The following CTTNBP2 variants were observed in gnomAD, a reference collection of about 807,000 sequenced individuals.
CTTNBP2 encodes the protein cortactin-binding protein 2.
CTTNBP2 carries 108 observed loss-of-function variants against 156.9 expected under a neutral mutation model. The ratio of observed to expected loss-of-function variants is 0.69; its 90% CI spans 0.59 to 0.81. The LOEUF (loss-of-function observed/expected upper bound fraction) is 0.81. Among genes scored for constraint, CTTNBP2 ranks in the 30% least tolerant of loss-of-function variants. The pLI, the probability that CTTNBP2 is intolerant of heterozygous loss-of-function variation, is 0.00. For synonymous variants in CTTNBP2, 767 were observed against 751.8 expected, an observed-to-expected ratio of 1.02 and a Z score of -0.33; for missense variants, 1,924 against 2,035.4, an observed-to-expected ratio of 0.95 and a Z score of 1.05.
At chr7:117,844,890 T>C (rs559551057) in intron 2 of CTTNBP2, among the ~76,000 whole-genome samples, 20 of 152,206 alleles carry the variant, frequency 1.3e-4, no homozygotes, top group African/African-American at 4.8e-4. Flanking sequence ...TGAAAGCAGC[T>C]GAGAGTGAAG....
At chr7:117,732,159 T>G (rs1038494896) in intron 16 of CTTNBP2, among the ~76,000 whole-genome samples, 4 of 152,122 alleles carry the variant, frequency 2.6e-5, no homozygotes, top group Admixed American at 6.5e-5. Flanking sequence ...GTCACCAAAA[T>G]GTACAGAGCT....
chr7:117,779,027 G>A (rs1018854785), intron 7 of CTTNBP2, among the ~76,000 whole-genome samples: 1 of 152,128 alleles, frequency 6.6e-6, no homozygotes, highest in Non-Finnish European at 1.5e-5. Context: ...TTTATAATGT[G>A]GCTTTTTCTC....
intron 2 of CTTNBP2, among the ~76,000 whole-genome samples, chr7:117,821,504 C>T (rs769753342): frequency 2.0e-5 from 3 of 151,144 alleles, no homozygotes; most frequent in Non-Finnish European, 4.4e-5. Context: ...TGTTAATACA[C>T]TGAATTTTGT....
chr7:117,765,404 G>C (rs531447660), intron 9 of CTTNBP2, among the ~76,000 whole-genome samples: 1 of 152,076 alleles, frequency 6.6e-6, no homozygotes, highest in African/African-American at 2.4e-5. Context: ...TCAGGTATAC[G>C]AATAATTACT....
chr7:117,792,824 T>G lies in CTTNBP2; in HGVS notation c.415-43A>C. On this transcript the variant is annotated intron_variant, in intron 3 of 22. Transcript: ENST00000160373. The surrounding 1 kb of genome is among the most constrained non-coding windows in gnomAD (Gnocchi z 4.2). The stretch of plus-strand genomic sequence containing the variant: ...GAAAACCCTGATTAATATACAGAAT[T>G]TTCTTTTCACCAAGGAAATGCTTTT... 3 of 1,342,770 alleles carry G rather than the reference T, an allele frequency of 2.2e-6. No homozygotes were observed. Among genetic ancestry groups the G allele is most frequent in the Non-Finnish European group, 3.0e-6 (3 of 1,016,050 alleles). The allele number at this position is 1,342,770 out of a possible 1,614,324, so 83.2% of individuals were successfully genotyped here.
intron 12 of CTTNBP2, among the ~76,000 whole-genome samples, chr7:117,754,259 A>G (rs1182765928): frequency 6.6e-6 from 1 of 152,162 alleles, no homozygotes; most frequent in Non-Finnish European, 1.5e-5. Context: ...CTTTCCTGAT[A>G]ACTCCATCTA....
chr7:117,837,740 A>C (rs543690170), intron 2 of CTTNBP2, among the ~76,000 whole-genome samples: 1 of 152,278 alleles, frequency 6.6e-6, no homozygotes, highest in African/African-American at 2.4e-5. Flanking sequence ...CCATGAGGCC[A>C]GGTATAAAAT....
At chr7:117,858,743 A>C (rs946861276) in intron 2 of CTTNBP2, among the ~76,000 whole-genome samples, 4 of 152,338 alleles carry the variant, frequency 2.6e-5, no homozygotes, top group Admixed American at 2.0e-4. Context: ...CTATATGACC[A>C]GTCTAGAGGG....
At chr7:117,784,094 TA>T (rs1332486136) in intron 5 of CTTNBP2, among the ~76,000 whole-genome samples, 156 bp downstream of exon 5, 1 of 152,246 alleles carries the variant, frequency 6.6e-6, no homozygotes, top group East Asian at 1.9e-4. Flanking sequence ...TAAATGTTTA[TA>T]AAAACTTTAA....
At chr7:117,838,481 A>C (rs985912233) in intron 2 of CTTNBP2, among the ~76,000 whole-genome samples, 1 of 152,216 alleles carries the variant, frequency 6.6e-6, no homozygotes, top group Non-Finnish European at 1.5e-5. Flanking sequence ...TTTAGACACT[A>C]TTTGTTACTA....
At chr7:117,811,953 A>T (rs1800322864) in intron 2 of CTTNBP2, among the ~76,000 whole-genome samples, 1 of 150,778 alleles carries the variant, frequency 6.6e-6, no homozygotes, top group Non-Finnish European at 1.5e-5. Context: ...TAAAATTTTT[A>T]ATGTAAAAAT....
At chr7:117,813,060 TG>T (rs1403252657) in intron 2 of CTTNBP2, among the ~76,000 whole-genome samples, 1 of 152,170 alleles carries the variant, frequency 6.6e-6, no homozygotes, top group Non-Finnish European at 1.5e-5. Flanking sequence ...TGGAAAGGAC[TG>T]GAGGTAGATG....
intron 2 of CTTNBP2, among the ~76,000 whole-genome samples, chr7:117,851,807 T>C (rs1802946351): frequency 6.6e-6 from 1 of 152,180 alleles, no homozygotes; most frequent in African/African-American, 2.4e-5. Context: ...GCTTCTCAGT[T>C]ATGCCAGTCA....
At chr7:117,813,670 CTGCT>C (rs1469426460) in intron 2 of CTTNBP2, among the ~76,000 whole-genome samples, 1 of 152,182 alleles carries the variant, frequency 6.6e-6, no homozygotes, top group Admixed American at 6.5e-5. Context: ...TGCAGAATGA[CTGCT>C]TGTTCAGCCC....
chr7:117,721,948 A>ATAT (rs1169456110), intron 19 of CTTNBP2, among the ~76,000 whole-genome samples: 1 of 152,254 alleles, frequency 6.6e-6, no homozygotes, highest in Non-Finnish European at 1.5e-5. Flanking sequence ...AATTCTAAAA[A>ATAT]TATTAATGTT....
chr7:117,726,971 C>G (rs1244211257), intron 17 of CTTNBP2, among the ~76,000 whole-genome samples: 1 of 152,128 alleles, frequency 6.6e-6, no homozygotes, highest in African/African-American at 2.4e-5. Context: ...TTGACAAAGA[C>G]TATATTCCAT....
chr7:117,871,849 C>CACACACACACACACACACACACACACAT, intron 1 of CTTNBP2: 1 of 602,578 alleles, frequency 1.7e-6, no homozygotes, highest in East Asian at 1.6e-4. Context: ...CCCCTTCACA[C>CACACACACACACACACACACACACACAT]ACACACACAC....
intron 14 of CTTNBP2, among the ~76,000 whole-genome samples, chr7:117,737,305 C>T (rs1264292825): frequency 1.3e-5 from 2 of 151,972 alleles, no homozygotes; most frequent in Non-Finnish European, 2.9e-5. Context: ...TTTAATTCAG[C>T]GATTAAAAAA....
At chr7:117,811,055 A>T in intron 2 of CTTNBP2, 66 bp from the exon 3 acceptor site, 1 of 1,268,314 alleles carries the variant, frequency 7.9e-7, no homozygotes, top group Non-Finnish European at 1.1e-6. Context: ...TATTTATAAG[A>T]AGGTTTTGTG....
Sources: allele counts gnomAD v4.1 joint callset (sites outside exome capture counted in the v4.1 genomes callset), GRCh38; gene constraint gnomAD v4.1.1; non-coding constraint Gnocchi (gnomAD v3.1); transcripts MANE v1.5; gene names NCBI Gene and HGNC (gene_info 2026-07-23, HGNC 2026-07-21).